COL14A1: variants seen among roughly 807,000 people sequenced by gnomAD.
COL14A1 encodes collagen alpha-1(XIV) chain.
Under a neutral mutation model 230.3 loss-of-function variants are expected in COL14A1, and 136 were observed. The observed-to-expected ratio is 0.59, with a 90% CI of 0.51 to 0.68. COL14A1 has a LOEUF of 0.68. COL14A1 is among the 30% of genes least tolerant of loss of function. The probability of loss-of-function intolerance (pLI) is 0.00; values close to 1 mark genes in which losing one functional copy is unlikely to be tolerated. For synonymous variants in COL14A1, 792 were observed against 784.1 expected (o/e 1.01, Z -0.17); for missense variants, 1,976 against 2,215.8 (o/e 0.89, Z 2.17).
At chr8:120,124,623 TG>T (rs1307572522), upstream of COL14A1, among the ~76,000 whole-genome samples, 3 of 152,148 alleles carry the variant, frequency 2.0e-5, no homozygotes, top group Non-Finnish European at 4.4e-5. Context: ...CCCTTGGACT[TG>T]TTCACAAGAG....
chr8:120,308,944 A>T (rs1260353936), intron 36 of COL14A1, among the ~76,000 whole-genome samples: 4 of 151,854 alleles, frequency 2.6e-5, no homozygotes, highest in African/African-American at 9.7e-5. Context: ...ATCTAGCTAA[A>T]TTTTTTTTGT....
intron 40 of COL14A1, 96 bp from the exon 41 acceptor site, chr8:120,332,045 G>T: frequency 9.7e-7 from 1 of 1,028,790 alleles, no homozygotes; most frequent in Non-Finnish European, 1.5e-6. Context: ...CAAGCAGCAG[G>T]ACTTGACCCC....
intron 5 of COL14A1, among the ~76,000 whole-genome samples, chr8:120,195,921 G>A (rs1178392581): frequency 1.8e-4 from 27 of 152,142 alleles, no homozygotes; most frequent in Admixed American, 1.8e-3. Flanking sequence ...TCTTGGCTCG[G>A]TGTGAATAGA....
chr8:120,215,672 A>G (rs1053438567), intron 13 of COL14A1, among the ~76,000 whole-genome samples: 1 of 152,164 alleles, frequency 6.6e-6, no homozygotes, highest in Non-Finnish European at 1.5e-5. Flanking sequence ...AGTGGCTTCT[A>G]CCAAGATGGT....
rs1383459652 is a variant in COL14A1, at chr8:120,289,663, T to C, written c.4133T>C (p.Val1378Ala). ...LVKVVIDCKQ[V>A]GEKAMNASAN... ...AAAGTGGTTATTGACTGCAAGCAAG[T>C]GGGTGAGAAGGCAATGAACGCATCA... Residue 1378 changes from valine (V) to alanine (A), a missense_variant, in exon 34 of 48, where the codon GTG (valine) becomes GCG (alanine). Coordinates refer to ENST00000297848, the MANE Select transcript of COL14A1 (RefSeq NM_021110.4). 2 of 1,613,930 alleles carry C rather than the reference T, an allele frequency of 1.2e-6. No individual in the cohort carries two copies. Among genetic ancestry groups the C allele is most frequent in the Non-Finnish European group, 1.7e-6 (2 of 1,179,964 alleles).
rs1820103100 is a variant in COL14A1 at position 120,283,522 on chromosome 8, G to T, written c.3825-114G>T. 5.7e-6 allele frequency: 6 copies of T among 1,053,920 alleles called. No homozygotes were observed. In the Admixed American group the frequency reaches 1.5e-4, roughly 26 times the overall value. 65.3% of individuals were successfully genotyped at this position (1,053,920 alleles called of 1,614,324 possible). On this transcript the variant is annotated intron_variant, in intron 31 of 47. Coordinates refer to ENST00000297848, the MANE Select transcript of COL14A1 (RefSeq NM_021110.4). ...CAGTGATCTAGTTGGTGTTAATGGT[G>T]GTCTTTTCTGTTTTTCCAAATCTTG...
intron 23 of COL14A1, among the ~76,000 whole-genome samples, chr8:120,259,712 A>C (rs1257054372): frequency 6.6e-6 from 1 of 152,178 alleles, no homozygotes; most frequent in Non-Finnish European, 1.5e-5. Context: ...ATGGGTTTCT[A>C]CATGAAATAG....
At chr8:120,136,671 G>A (rs1048665938) in intron 1 of COL14A1, among the ~76,000 whole-genome samples, 1 of 151,758 alleles carries the variant, frequency 6.6e-6, no homozygotes, top group Non-Finnish European at 1.5e-5. Flanking sequence ...TTGATAAAAA[G>A]GTTATGTTAG....
chr8:120,245,590 G>T lies in COL14A1; in HGVS notation c.2479+1582G>T, dbSNP rs550951647. On this transcript the variant is annotated intron_variant, in intron 20 of 47. Transcript: ENST00000297848. Reference sequence around the variant, plus strand: ...TTTTTTTTTATCATATCTCACAATTGTTTGGGTCAGGAAATTAGGCAGGAC... The same window carrying T: ...TTTTTTTTTATCATATCTCACAATTTTTTGGGTCAGGAAATTAGGCAGGAC... 2.0e-5 allele frequency among the ~76,000 whole-genome samples: 3 copies of T among 152,194 alleles called. No individual in the cohort carries two copies. The East Asian group carries it at 5.8e-4, about 29-fold the overall frequency.
intron 34 of COL14A1, among the ~76,000 whole-genome samples, chr8:120,294,069 A>G (rs1265269465): frequency 6.6e-6 from 1 of 151,832 alleles, no homozygotes; most frequent in Non-Finnish European, 1.5e-5. Context: ...CTCTTTCACC[A>G]GTATTCTTGT....
intron 30 of COL14A1, 64 bp downstream of exon 30, chr8:120,280,813 G>C: frequency 1.9e-6 from 3 of 1,546,760 alleles, no homozygotes; most frequent in Non-Finnish European, 1.7e-6. Flanking sequence ...TGGGGATGGG[G>C]TTTCTGTTTT....
chr8:120,277,129 A>C (rs1267644819), intron 26 of COL14A1, among the ~76,000 whole-genome samples: 1 of 152,138 alleles, frequency 6.6e-6, no homozygotes, highest in African/African-American at 2.4e-5. Flanking sequence ...GAAGCCAGAA[A>C]GCTTTGTATA....
intron 9 of COL14A1, among the ~76,000 whole-genome samples, chr8:120,204,178 T>C (rs1817356817): frequency 6.6e-6 from 1 of 152,206 alleles, no homozygotes; most frequent in Non-Finnish European, 1.5e-5. Context: ...CATAGAAAGA[T>C]TGTGTGTTCT....
intron 36 of COL14A1, among the ~76,000 whole-genome samples, chr8:120,305,559 A>G (rs183791389): frequency 6.6e-5 from 10 of 152,248 alleles, no homozygotes; most frequent in African/African-American, 2.2e-4. Flanking sequence ...TTTAAATAGC[A>G]TATGCCAAGA....
intron 8 of COL14A1, 122 bp downstream of exon 8, chr8:120,199,688 C>T (rs961804851): frequency 5.1e-6 from 5 of 979,070 alleles, no homozygotes; most frequent in African/African-American, 3.4e-5. Flanking sequence ...CTAGTCTTGG[C>T]ACTTGTCATA....
Position 120,371,773 on chromosome 8 carries a change from CA to C in COL14A1, c.*547del. On this transcript the variant is annotated 3_prime_UTR_variant, in exon 48 of 48. Coordinates refer to ENST00000297848, the MANE Select transcript of COL14A1 (RefSeq NM_021110.4). ...CTTGGTAACTGGTTTCATGTGTATC[CA>C]AAAATCAGCATTTGGATTTAAGCTT... The C allele has an allele frequency of 2.5e-6, 1 of 393,314 alleles. No individual in the cohort carries two copies. Among genetic ancestry groups the C allele is most frequent in the Non-Finnish European group, 4.5e-6 (1 of 222,504 alleles). 24.4% of individuals were successfully genotyped at this position (393,314 alleles called of 1,614,324 possible).
chr8:120,148,886 T>C (rs1259514945), intron 2 of COL14A1, among the ~76,000 whole-genome samples: 2 of 152,242 alleles, frequency 1.3e-5, no homozygotes, highest in Non-Finnish European at 1.5e-5. Flanking sequence ...AAAAACTACC[T>C]GTGGGCCAAA....
At chr8:120,232,691 A>G (rs1818313559) in intron 19 of COL14A1, among the ~76,000 whole-genome samples, 1 of 152,172 alleles carries the variant, frequency 6.6e-6, no homozygotes, top group Admixed American at 6.5e-5. Flanking sequence ...GGCTGGTTCC[A>G]AGTCTTTGCT....
chr8:120,135,676 C>T (rs1450141147), intron 1 of COL14A1, among the ~76,000 whole-genome samples: 1 of 151,698 alleles, frequency 6.6e-6, no homozygotes, highest in African/African-American at 2.4e-5. Flanking sequence ...ATTAAAATTG[C>T]TTTGAATCTA....
Sources: allele counts gnomAD v4.1 joint callset (sites outside exome capture counted in the v4.1 genomes callset), GRCh38; gene constraint gnomAD v4.1.1; transcripts MANE v1.5; gene names NCBI Gene and HGNC (gene_info 2026-07-23, HGNC 2026-07-21).